MEI4: variants seen among roughly 807,000 people sequenced by gnomAD.
MEI4 encodes meiosis-specific protein MEI4.
MEI4 carries 27 observed loss-of-function variants against 31.4 expected under a neutral mutation model. The ratio of observed to expected loss-of-function variants is 0.86; its 90% confidence interval spans 0.63 to 1.19. MEI4 has a LOEUF of 1.19. Ranked by LOEUF, MEI4 falls within the 50% of genes most tolerant of loss-of-function variation. The pLI, the probability that MEI4 is intolerant of heterozygous loss-of-function variation, is 0.00. For missense variants in MEI4, 329 were observed against 398.9 expected, an observed-to-expected ratio of 0.82 and a Z score of 1.49; for synonymous variants, 122 against 145.4, an observed-to-expected ratio of 0.84 and a Z score of 1.16.
intron 4 of MEI4, among the ~76,000 whole-genome samples, chr6:77,869,592 C>T (rs1286291655): frequency 6.6e-6 from 1 of 152,060 alleles, no homozygotes; most frequent in Non-Finnish European, 1.5e-5. Flanking sequence ...GCATCTTGGT[C>T]TTGGGCTTCC....
At chr6:77,789,010 A>G (rs969366545) in intron 3 of MEI4, among the ~76,000 whole-genome samples, 3 of 152,206 alleles carry the variant, frequency 2.0e-5, no homozygotes, top group Non-Finnish European at 4.4e-5. Context: ...ACTATACTAC[A>G]AGGCTACAGT....
intron 3 of MEI4, among the ~76,000 whole-genome samples, chr6:77,796,968 G>C (rs1769094358): frequency 6.6e-6 from 1 of 152,082 alleles, no homozygotes. Flanking sequence ...ATATAAACAG[G>C]GTGATACTGG....
chr6:77,866,335 T>A lies in MEI4; in HGVS notation c.900+37273T>A, dbSNP rs1582232837. Among the ~76,000 whole-genome samples the A allele has an allele frequency of 2.6e-5, 4 of 152,186 alleles. No individual in the cohort carries two copies. The South Asian group carries it at 8.3e-4, about 32-fold the overall frequency. On this transcript the variant is annotated intron_variant, in intron 4 of 4. Coordinates refer to ENST00000684080, the MANE Select transcript of MEI4 (RefSeq NM_001322247.2). ...TGATTGTATATCTAGAAAACCCCATTGTCTCAGCCCAAAATCTCCTTAAGC... is the reference window on the plus strand; with the variant it reads ...TGATTGTATATCTAGAAAACCCCATAGTCTCAGCCCAAAATCTCCTTAAGC...
intron 4 of MEI4, among the ~76,000 whole-genome samples, chr6:77,899,346 G>A (rs901089851): frequency 4.6e-5 from 7 of 151,952 alleles, no homozygotes; most frequent in African/African-American, 1.7e-4. Flanking sequence ...ACTATCTGGT[G>A]ATTTTTTTAC....
intron 4 of MEI4, among the ~76,000 whole-genome samples, chr6:77,852,122 T>C (rs1254491016): frequency 1.3e-5 from 2 of 152,216 alleles, no homozygotes. Flanking sequence ...CCTGGTAGCT[T>C]TGCTCTAAGA....
chr6:77,857,101 GT>G (rs949703361), intron 4 of MEI4, among the ~76,000 whole-genome samples: 11 of 151,808 alleles, frequency 7.2e-5, no homozygotes, highest in East Asian at 1.9e-4. Context: ...TCTCCCAGCA[GT>G]TTTTTTTAGA....
chr6:77,700,143 C>G (rs992770435), intron 2 of MEI4, among the ~76,000 whole-genome samples: 1 of 152,230 alleles, frequency 6.6e-6, no homozygotes, highest in Non-Finnish European at 1.5e-5. Flanking sequence ...ATATTTAAGT[C>G]TGCAGAGGCT....
chr6:77,885,698 T>C (rs942991147), intron 4 of MEI4, among the ~76,000 whole-genome samples: 5 of 152,180 alleles, frequency 3.3e-5, no homozygotes, highest in Admixed American at 3.3e-4. Flanking sequence ...GAACTTCCAG[T>C]ACTATGTTGA....
intron 3 of MEI4, among the ~76,000 whole-genome samples, chr6:77,810,703 C>T (rs1269842899): frequency 6.6e-6 from 1 of 152,046 alleles, no homozygotes; most frequent in African/African-American, 2.4e-5. Context: ...GTTATAGACT[C>T]CTTGAATTTA....
chr6:77,753,432 T>C (rs1315690210), intron 2 of MEI4, among the ~76,000 whole-genome samples: 1 of 151,558 alleles, frequency 6.6e-6, no homozygotes, highest in Non-Finnish European at 1.5e-5. Flanking sequence ...CATCAAAAAG[T>C]AGGTGAAGGA....
At chr6:77,830,595 C>G (rs1016010861) in intron 4 of MEI4, among the ~76,000 whole-genome samples, 1 of 151,940 alleles carries the variant, frequency 6.6e-6, no homozygotes, top group Non-Finnish European at 1.5e-5. Flanking sequence ...TAGTGTCAGG[C>G]AGGTTTATGT....
intron 2 of MEI4, among the ~76,000 whole-genome samples, chr6:77,745,830 T>C (rs986489190): frequency 2.0e-5 from 3 of 151,874 alleles, no homozygotes; most frequent in Non-Finnish European, 4.4e-5. Flanking sequence ...TCAAAACCGC[T>C]CAACTACATG....
intron 4 of MEI4, among the ~76,000 whole-genome samples, chr6:77,853,072 C>A (rs1413324771): frequency 6.6e-6 from 1 of 152,142 alleles, no homozygotes; most frequent in Non-Finnish European, 1.5e-5. Context: ...GTGGCACATG[C>A]CTGTAATCCC....
chr6:77,870,162 A>C (rs1235331460), intron 4 of MEI4, among the ~76,000 whole-genome samples: 1 of 152,232 alleles, frequency 6.6e-6, no homozygotes, highest in Non-Finnish European at 1.5e-5. Context: ...TACCCATGCA[A>C]TAGAAAATGT....
chr6:77,789,670 G>T (rs1020793517), intron 3 of MEI4, among the ~76,000 whole-genome samples: 1 of 152,134 alleles, frequency 6.6e-6, no homozygotes, highest in Non-Finnish European at 1.5e-5. Flanking sequence ...TTCATCACTG[G>T]CCATCAGAGA....
chr6:77,698,940 C>A (rs113245917), intron 2 of MEI4, among the ~76,000 whole-genome samples: 31,254 of 151,912 alleles, frequency 0.21, 3,544 homozygotes, highest in African/African-American at 0.3. Flanking sequence ...CACATAGTCC[C>A]ATATTTCTTG....
In MEI4 at chr6:77,923,799, T is replaced by G. The variant is rs1766772769; in HGVS notation, c.*453T>G. The G allele has an allele frequency of 6.6e-6, 1 of 151,914 alleles. No homozygotes were observed. Among genetic ancestry groups the G allele is most frequent in the African/African-American group, 2.4e-5 (1 of 41,420 alleles). 9.4% of individuals were successfully genotyped at this position (151,914 alleles called of 1,614,324 possible). A position where few individuals can be genotyped will look rare whatever the true frequency, so the allele number is the denominator to read the frequency against. The stretch of plus-strand genomic sequence containing the variant: ...TCATAAATGCAATTTTTAAAACTTT[T>G]TCTTACATAGTTGAACTTATATCAT... On this transcript the variant is annotated 3_prime_UTR_variant, in exon 5 of 5. Coordinates refer to ENST00000684080, the MANE Select transcript of MEI4 (RefSeq NM_001322247.2).
rs1581989099 is a variant in MEI4, at chr6:77,925,413, T to C, written c.*2067T>C. 2 of 151,940 alleles carry C rather than the reference T, an allele frequency of 1.3e-5. No individual in the cohort carries two copies. The highest frequency in any genetic ancestry group is 2.1e-4 in the South Asian group (1 of 4,818). 9.4% of individuals were successfully genotyped at this position (151,940 alleles called of 1,614,324 possible). A position where few individuals can be genotyped will look rare whatever the true frequency, so the allele number is the denominator to read the frequency against. On this transcript the variant is annotated 3_prime_UTR_variant, in exon 5 of 5. Transcript: ENST00000684080. ...TTTCAGTCTATATCAGAGTGAATGG[T>C]GTAGTAAATTAGTATTAAGGTCCAA...
intron 3 of MEI4, among the ~76,000 whole-genome samples, chr6:77,788,643 C>A (rs201610766): frequency 7.2e-5 from 11 of 152,086 alleles, no homozygotes; most frequent in Non-Finnish European, 1.2e-4. Flanking sequence ...TGAGTGAACT[C>A]CCATTCACAA....
Sources: allele counts gnomAD v4.1 joint callset (sites outside exome capture counted in the v4.1 genomes callset), GRCh38; gene constraint gnomAD v4.1.1; transcripts MANE v1.5; gene names NCBI Gene and HGNC (gene_info 2026-07-23, HGNC 2026-07-21).